TPO: variants seen among roughly 807,000 people sequenced by gnomAD.
TPO encodes thyroid peroxidase.
TPO carries 78 observed loss-of-function variants against 96.9 expected under a neutral mutation model. That is an observed-to-expected ratio of 0.81 (90% CI 0.67 to 0.97). The LOEUF is 0.97. TPO is among the 50% of genes least tolerant of loss of function. The probability of loss-of-function intolerance (pLI) is 0.00; values close to 1 mark genes in which losing one functional copy is unlikely to be tolerated. For synonymous variants in TPO, 547 were observed against 538.0 expected (o/e 1.02, Z -0.23); for missense variants, 1,252 against 1,274.8 (o/e 0.98, Z 0.27).
In TPO at chr2:1,456,227, G is replaced by C. The variant is rs1243967960; in HGVS notation, c.764G>C (p.Gly255Ala). 2.5e-6 allele frequency: 4 copies of C among 1,614,140 alleles called. No individual in the cohort carries two copies. Among genetic ancestry groups the C allele is most frequent in the Non-Finnish European group, 3.4e-6 (4 of 1,180,038 alleles). ...PQSTSKAAFG[G>A]GADCQMTCEN... ...AGCACCAGCAAAGCTGCCTTCGGGG[G>C]AGGGGCTGACTGCCAGATGACTTGT... The change falls in exon 7 of 17, where the codon GGA becomes GCA. Residue 255 changes from glycine (G) to alanine (A), a missense_variant. Transcript: ENST00000329066.
intron 1 of TPO, among the ~76,000 whole-genome samples, chr2:1,397,775 T>C (rs1193559896): frequency 6.6e-6 from 1 of 152,146 alleles, no homozygotes; most frequent in Admixed American, 6.5e-5. Context: ...TTGGCTCCTC[T>C]GCTTTGCCCA....
At position 1,516,962 on chromosome 2, in the gene TPO, C is replaced by T. The variant is rs1395578377; in HGVS notation, c.2598C>T (p.Thr866=). The T allele has an allele frequency of 1.8e-5, 29 of 1,613,860 alleles. No individual in the cohort carries two copies. The highest frequency in any genetic ancestry group is 2.4e-5 in the Non-Finnish European group (28 of 1,180,060). The change falls in exon 15 of 17, where the codon ACC becomes ACT. Residue 866 remains threonine (T), a synonymous_variant. Coordinates refer to ENST00000329066, the MANE Select transcript of TPO (RefSeq NM_001206744.2). Reference sequence around the variant, plus strand: ...TGATCGGAGGCTTCGCAGGTCTCACCTCGACGGTGATTTGCAGGTGGTAAG... The same window carrying T: ...TGATCGGAGGCTTCGCAGGTCTCACTTCGACGGTGATTTGCAGGTGGTAAG... The part of the protein sequence containing the change: ...ALLIGGFAGL[T]STVICRWTRT...
In TPO at chr2:1,495,971, C is replaced by A. The variant is rs752481333; in HGVS notation, c.2007-18C>A. 1.2e-5 allele frequency: 19 copies of A among 1,608,776 alleles called. No homozygotes were observed. In the South Asian group the frequency reaches 2.1e-4, roughly 18 times the overall value. ...TCTCCATGCACTGTGACCTTACTCACTGTCTCCTTCTCTGGAGGTTTTGGT... is the reference window on the plus strand; with the variant it reads ...TCTCCATGCACTGTGACCTTACTCAATGTCTCCTTCTCTGGAGGTTTTGGT... On this transcript the variant is annotated intron_variant, in intron 11 of 16. Coordinates refer to ENST00000329066, the MANE Select transcript of TPO (RefSeq NM_001206744.2).
intron 1 of TPO, among the ~76,000 whole-genome samples, chr2:1,392,094 A>T: frequency 6.6e-6 from 1 of 152,186 alleles, no homozygotes; most frequent in Non-Finnish European, 1.5e-5. Context: ...GTCTTGTGCC[A>T]GTTTTCAAAG....
intron 7 of TPO, 131 bp from the exon 8 acceptor site, chr2:1,476,955 G>A: frequency 8.5e-7 from 1 of 1,181,046 alleles, no homozygotes; most frequent in Non-Finnish European, 1.2e-6. Flanking sequence ...TGGCTGGACT[G>A]ACCCCTACAG....
intron 3 of TPO, among the ~76,000 whole-genome samples, chr2:1,428,615 G>A (rs1664668081): frequency 6.6e-6 from 1 of 152,180 alleles, no homozygotes; most frequent in Non-Finnish European, 1.5e-5. Context: ...GCAAAAGAAG[G>A]GATGAGACAG....
At chr2:1,527,654 C>G (rs1284247448) in intron 15 of TPO, among the ~76,000 whole-genome samples, 1 of 148,338 alleles carries the variant, frequency 6.7e-6, no homozygotes, top group Non-Finnish European at 1.5e-5. Context: ...CAAATCCCCC[C>G]CCAATCTGTG....
intron 3 of TPO, among the ~76,000 whole-genome samples, chr2:1,430,766 A>ATTG (rs1664899097): frequency 6.6e-6 from 1 of 152,206 alleles, no homozygotes; most frequent in Non-Finnish European, 1.5e-5. Flanking sequence ...GATTTAATGA[A>ATTG]TTGCCTGCTG....
chr2:1,453,796 C>T lies in TPO; in HGVS notation c.585C>T (p.Phe195=), dbSNP rs1331374326. 3 of 1,613,850 alleles carry T rather than the reference C, an allele frequency of 1.9e-6. No individual in the cohort carries two copies. Among genetic ancestry groups the T allele is most frequent in the East Asian group, 2.2e-5 (1 of 44,882 alleles). Residue 195 remains phenylalanine (F), a synonymous_variant, in exon 6 of 17, where the codon TTC becomes TTT. Coordinates refer to ENST00000329066, the MANE Select transcript of TPO (RefSeq NM_001206744.2). The part of the protein sequence containing the change: ...FSQPRGWNPG[F]LYNGFPLPPV... ...AGCCCCGAGGCTGGAACCCCGGCTT[C>T]TTGTACAACGGGTTCCCACTGCCCC...
chr2:1,383,886 A>G (rs1048886883), intron 1 of TPO, among the ~76,000 whole-genome samples: 40 of 152,270 alleles, frequency 2.6e-4, no homozygotes, highest in African/African-American at 9.4e-4. Context: ...TCTTGAATTA[A>G]CTTTTGTATA....
chr2:1,449,205 T>C (rs541245641), intron 5 of TPO, among the ~76,000 whole-genome samples: 47 of 151,334 alleles, frequency 3.1e-4, no homozygotes, highest in Non-Finnish European at 6.1e-4. Flanking sequence ...TTGCTATATG[T>C]AACTTGGTAT....
At position 1,436,346 on chromosome 2, in the gene TPO, G is replaced by A. The variant is rs376413622; in HGVS notation, c.444G>A (p.Ala148=). Residue 148 remains alanine, a synonymous_variant, in exon 5 of 17, where the codon GCG becomes GCA. Coordinates refer to ENST00000329066, the MANE Select transcript of TPO (RefSeq NM_001206744.2). The stretch of plus-strand genomic sequence containing the variant: ...CAAAATGCCCAAACACTTGCCTGGC[G>A]AACAAATACAGGCCCATCACAGGAG... ...LPPKCPNTCL[A]NKYRPITGAC... 37 of 1,614,028 alleles carry A rather than the reference G, an allele frequency of 2.3e-5. No individual in the cohort carries two copies. The highest frequency in any genetic ancestry group is 4.4e-5 in the South Asian group (4 of 91,080).
chr2:1,513,031 C>T (rs935730997), intron 14 of TPO, among the ~76,000 whole-genome samples: 3 of 152,226 alleles, frequency 2.0e-5, no homozygotes, highest in South Asian at 2.1e-4. Flanking sequence ...TGCAAGCAGC[C>T]GTCAGTGCCC....
At chr2:1,509,274 A>G (rs1673816844) in intron 14 of TPO, among the ~76,000 whole-genome samples, 1 of 152,102 alleles carries the variant, frequency 6.6e-6, no homozygotes, top group South Asian at 2.1e-4. Context: ...CTGTTCTTTT[A>G]CATCTGCTGA....
chr2:1,410,932 G>T (rs181346714), upstream of TPO, among the ~76,000 whole-genome samples: 1 of 152,134 alleles, frequency 6.6e-6, no homozygotes, highest in African/African-American at 2.4e-5. Flanking sequence ...CCATTGCTGG[G>T]TGGCCACGTC....
chr2:1,498,256 C>A (rs1474906873), intron 13 of TPO, among the ~76,000 whole-genome samples: 4 of 152,184 alleles, frequency 2.6e-5, no homozygotes, highest in Non-Finnish European at 4.4e-5. Flanking sequence ...CACCAGAGAC[C>A]CACCAGGACT....
intron 15 of TPO, among the ~76,000 whole-genome samples, chr2:1,530,922 G>T (rs1573601040): frequency 1.7e-5 from 1 of 57,686 alleles, no homozygotes; most frequent in Non-Finnish European, 3.1e-5. Context: ...CCCCCACTCT[G>T]TGCGACCTCC....
chr2:1,376,026 C>T (rs919937371), intron 1 of TPO, among the ~76,000 whole-genome samples: 27 of 152,190 alleles, frequency 1.8e-4, no homozygotes, highest in Admixed American at 1.3e-4. Flanking sequence ...CTGCAGGCTG[C>T]GTTTGCTGGA....
At chr2:1,431,126 G>T (rs1664937789) in intron 3 of TPO, among the ~76,000 whole-genome samples, 1 of 152,108 alleles carries the variant, frequency 6.6e-6, no homozygotes, top group African/African-American at 2.4e-5. Context: ...GGATGTTGGA[G>T]GTGAGGCCTG....
Sources: allele counts gnomAD v4.1 joint callset (sites outside exome capture counted in the v4.1 genomes callset), GRCh38; gene constraint gnomAD v4.1.1; transcripts MANE v1.5; gene names NCBI Gene and HGNC (gene_info 2026-07-23, HGNC 2026-07-21).